Variants in PNPLA5 observed in about 807,000 individuals in gnomAD.
The protein encoded by PNPLA5 is patatin like domain 5, triacylglycerol lipase, also known as patatin-like phospholipase domain-containing protein 5.
Under a neutral mutation model 49.1 loss-of-function variants are expected in PNPLA5, and 44 were observed. That is an observed-to-expected ratio of 0.90 (90% CI 0.70 to 1.15). The LOEUF (loss-of-function observed/expected upper bound fraction) is 1.15, where lower values mean the gene tolerates loss of function less well. Among genes scored for constraint, PNPLA5 ranks in the 50% most tolerant of loss-of-function variants. The pLI, the probability that PNPLA5 is intolerant of heterozygous loss-of-function variation, is 0.00. For missense variants in PNPLA5, 603 were observed against 564.0 expected (o/e 1.07, Z -0.70); for synonymous variants, 243 against 244.4 (o/e 0.99, Z 0.06).
intron 4 of PNPLA5, 183 bp from the exon 5 acceptor site, chr22:43,887,834 G>T: frequency 1.1e-6 from 1 of 906,808 alleles, no homozygotes; most frequent in African/African-American, 1.8e-5. Flanking sequence ...GGGCAGGAGG[G>T]GCCAGAGGCC....
intron 7 of PNPLA5, among the ~76,000 whole-genome samples, chr22:43,883,363 C>T (rs1410474534): frequency 6.6e-6 from 1 of 152,252 alleles, no homozygotes; most frequent in Non-Finnish European, 1.5e-5. Context: ...GGGGCTGCTT[C>T]CATGGCCCCC....
At chr22:43,883,912 T>G (rs1481264050) in intron 7 of PNPLA5, among the ~76,000 whole-genome samples, 1 of 152,080 alleles carries the variant, frequency 6.6e-6, no homozygotes, top group Non-Finnish European at 1.5e-5. Flanking sequence ...CAACCTGAGA[T>G]TCTGATGGGT....
rs536619089 is a variant in PNPLA5, at chr22:43,880,686, C to T, written c.*109G>A. The T allele has an allele frequency of 2.5e-5, 27 of 1,091,820 alleles. No individual in the cohort carries two copies. Among genetic ancestry groups the T allele is most frequent in the Non-Finnish European group, 3.0e-5 (26 of 854,704 alleles). 67.6% of individuals were successfully genotyped at this position (1,091,820 alleles called of 1,614,324 possible). On this transcript the variant is annotated 3_prime_UTR_variant, in exon 9 of 9. Transcript: ENST00000216177. ...CGGGCTCCAAGCTGCAGGGTCTCCA[C>T]GGAGATTGGCAGGGCCTCTTCCCGC...
At chr22:43,883,856 A>G (rs1603412348) in intron 7 of PNPLA5, among the ~76,000 whole-genome samples, 1 of 151,708 alleles carries the variant, frequency 6.6e-6, no homozygotes, top group African/African-American at 2.4e-5. Flanking sequence ...GAGAAAAGAA[A>G]CCTGTAGCCC....
At chr22:43,886,603 G>C (rs2049667563) in intron 5 of PNPLA5, 115 bp from the exon 6 acceptor site, 1 of 1,466,576 alleles carries the variant, frequency 6.8e-7, no homozygotes, top group South Asian at 1.5e-5. Flanking sequence ...TGTGCTGTGG[G>C]ACGGACCCAC....
At chr22:43,891,443 C>G in intron 1 of PNPLA5, 149 bp from the exon 2 acceptor site, 8 of 1,401,854 alleles carry the variant, frequency 5.7e-6, no homozygotes, top group Non-Finnish European at 7.4e-6. Context: ...TTCAAATGAT[C>G]CGTTCACCTT....
At chr22:43,891,348 C>A in intron 1 of PNPLA5, 54 bp from the exon 2 acceptor site, 1 of 1,498,306 alleles carries the variant, frequency 6.7e-7, no homozygotes, top group South Asian at 1.3e-5. Context: ...CCTGCCAGTC[C>A]CTCCACACCC....
intron 1 of PNPLA5, 136 bp from the exon 2 acceptor site, chr22:43,891,430 G>A (rs749935661): frequency 1.3e-4 from 186 of 1,404,998 alleles, no homozygotes; most frequent in Admixed American, 5.1e-4. Flanking sequence ...GCTCGGCCCC[G>A]GATTCAAATG....
In PNPLA5 at chr22:43,888,536, G is replaced by A. The variant is rs145724656; in HGVS notation, c.702+793C>T. On this transcript the variant is annotated intron_variant, in intron 4 of 8. Transcript: ENST00000216177. ...TGCAATCTCCACCTCCCAGGTTCAA[G>A]CAATTCTCTTGCTTCAGCTTCCTGA... Among the ~76,000 whole-genome samples the A allele has an allele frequency of 2.1e-4, 30 of 142,748 alleles. 1 individual carries two copies. Among genetic ancestry groups the A allele is most frequent in the Middle Eastern group, 7.9e-3 (2 of 252 alleles). 93.6% of individuals were successfully genotyped at this position (142,748 alleles called of 152,430 possible). A position where few individuals can be genotyped will look rare whatever the true frequency, so the allele number is the denominator to read the frequency against.
Position 43,891,707 on chromosome 22 carries a change from G to A in PNPLA5, c.174C>T (p.Ile58=), listed in dbSNP as rs530114929. The A allele has an allele frequency of 6.5e-7, 1 of 1,547,562 alleles. No homozygotes were observed. Among genetic ancestry groups the A allele is most frequent in the East Asian group, 2.5e-5 (1 of 40,596 alleles). The stretch of plus-strand genomic sequence containing the variant: ...ACTCACCGACCGACTTGCCGCAGAC[G>A]ATGCTGACTGCGTTGAGCGCCCCAG... ...SSSGALNAVS[I]VCGKSVDFCC... The change falls in exon 1 of 9, where the codon ATC becomes ATT. Residue 58 remains isoleucine, a synonymous_variant. Transcript: ENST00000216177.
At chr22:43,884,603 A>G (rs1463383890) in intron 6 of PNPLA5, among the ~76,000 whole-genome samples, 2 of 152,200 alleles carry the variant, frequency 1.3e-5, no homozygotes. Flanking sequence ...AGGACCATCA[A>G]CAGGAAGTGG....
chr22:43,890,983 C>T (rs1603413098), intron 2 of PNPLA5, 79 bp downstream of exon 2: 7 of 1,520,302 alleles, frequency 4.6e-6, no homozygotes, highest in South Asian at 1.2e-5. Context: ...AAACGTCTGA[C>T]GGGGAAGTAC....
chr22:43,891,598 A>G, intron 1 of PNPLA5, 90 bp downstream of exon 1: 1 of 1,412,432 alleles, frequency 7.1e-7, no homozygotes, highest in Non-Finnish European at 9.4e-7. Flanking sequence ...GAGGGCGCAG[A>G]GCACAGCGCC....
At chr22:43,890,051 G>A in intron 2 of PNPLA5, 187 bp from the exon 3 acceptor site, 1 of 1,375,668 alleles carries the variant, frequency 7.3e-7, no homozygotes, top group Non-Finnish European at 9.5e-7. Flanking sequence ...GAGCACCTCT[G>A]TCTTGACACC....
rs761320917 is a variant in PNPLA5, at chr22:43,891,214, G to T, written c.274C>A (p.Pro92Thr). Residue 92 changes from proline (P) to threonine (T), a missense_variant, in exon 2 of 9, where the codon CCC (proline) becomes ACC (threonine). Pro to Thr is a conservative substitution (Grantham distance 38). Transcript: ENST00000216177. ...SLSILHPAYAPIEHVKQQLQD... is the reference protein window; with the variant it reads ...SLSILHPAYATIEHVKQQLQD... ...AGCTGCTGCTTGACGTGCTCGATGG[G>T]CGCGTAGGCCGGGTGCAGGATGCTT... The T allele has an allele frequency of 1.6e-5, 25 of 1,579,402 alleles. No individual in the cohort carries two copies. In the Admixed American group the frequency reaches 4.0e-4, roughly 25 times the overall value.
chr22:43,889,215 G>A (rs776209649), intron 4 of PNPLA5, 114 bp downstream of exon 4: 182 of 1,216,070 alleles, frequency 1.5e-4, no homozygotes, highest in Non-Finnish European at 2.0e-4. Flanking sequence ...CGGGACATGT[G>A]TTGTAACTGC....
rs1244642282 is a variant in PNPLA5, at chr22:43,881,661, G to A, written c.1096C>T (p.Leu366=). ...YFRSRRLVVW[L]PDVPADLWWM... Reference sequence around the variant, plus strand: ...CACAAGTCCGCCGGCACATCGGGCAGCCACACCACCAACCTGGAGGAAGGG... The same window carrying A: ...CACAAGTCCGCCGGCACATCGGGCAACCACACCACCAACCTGGAGGAAGGG... Residue 366 remains leucine, a synonymous_variant, in exon 8 of 9, where the codon CTG becomes TTG. Transcript: ENST00000216177. The A allele has an allele frequency of 6.2e-7, 1 of 1,613,814 alleles. No individual in the cohort carries two copies. The highest frequency in any genetic ancestry group is 8.5e-7 in the Non-Finnish European group (1 of 1,179,930).
rs2049594378 is a variant in PNPLA5 at position 43,880,271 on chromosome 22, C to G, written c.*524G>C. 2.5e-6 allele frequency: 1 copy of G among 397,392 alleles called. No individual in the cohort carries two copies. Among genetic ancestry groups the G allele is most frequent in the African/African-American group, 2.1e-5 (1 of 48,628 alleles). The allele number at this position is 397,392 out of a possible 1,614,324, so 24.6% of individuals were successfully genotyped here. A position where few individuals can be genotyped will look rare whatever the true frequency, so the allele number is the denominator to read the frequency against. ...TCCTGCTTCCTGCCAGGGCCTTCCA[C>G]CCTCTGGACCTGATAGGAATTCAGA... On this transcript the variant is annotated 3_prime_UTR_variant, in exon 9 of 9. Coordinates refer to ENST00000216177, the MANE Select transcript of PNPLA5 (RefSeq NM_138814.4).
rs1257134491 is a variant in PNPLA5, at chr22:43,889,482, G to A, written c.549C>T (p.Thr183=). Residue 183 remains threonine, a synonymous_variant, in exon 4 of 9, where the codon ACC becomes ACT. Transcript: ENST00000216177. ...NNLPFADCPS[T]ITVSPFHGTV... is the part of the protein sequence containing the mutation. ...TCCCATGGAAGGGCGACACCGTGAT[G>A]GTGGAGGGGCAGTCTGCAAAGGGCA... 2.5e-6 allele frequency: 4 copies of A among 1,614,054 alleles called. No individual in the cohort carries two copies. In the South Asian group the frequency reaches 4.4e-5, roughly 18 times the overall value.
Sources: allele counts gnomAD v4.1 joint callset (sites outside exome capture counted in the v4.1 genomes callset), GRCh38; gene constraint gnomAD v4.1.1; transcripts MANE v1.5; gene names NCBI Gene and HGNC (gene_info 2026-07-23, HGNC 2026-07-21).